The following TNRC6C variants were observed in gnomAD, a reference collection of about 807,000 sequenced individuals.
The protein encoded by TNRC6C is trinucleotide repeat containing adaptor 6C.
In TNRC6C, 20 loss-of-function variants were observed where a neutral mutation model predicts 153.7. The observed-to-expected ratio is 0.13, with a 90% CI of 0.09 to 0.19. TNRC6C has a LOEUF of 0.19. Ranked by LOEUF, TNRC6C falls within the 10% of genes least tolerant of loss-of-function variation. TNRC6C has a pLI of 1.00. For synonymous variants in TNRC6C, 811 were observed against 841.4 expected, an observed-to-expected ratio of 0.96 and a Z score of 0.63; for missense variants, 1,987 against 2,172.0, an observed-to-expected ratio of 0.91 and a Z score of 1.69.
At chr17:77,984,974 T>A (rs1274402569) in intron 1 of TNRC6C, among the ~76,000 whole-genome samples, 1 of 152,222 alleles carries the variant, frequency 6.6e-6, no homozygotes, top group Non-Finnish European at 1.5e-5. Context: ...CATCTTCATA[T>A]TAACTCTATC....
chr17:77,985,321 G>A (rs911669144), intron 1 of TNRC6C, among the ~76,000 whole-genome samples: 13 of 152,002 alleles, frequency 8.6e-5, no homozygotes, highest in South Asian at 2.1e-4. Flanking sequence ...GAGGCTGGGC[G>A]CAGTGGCTCA....
intron 2 of TNRC6C, 69 bp from the exon 5 acceptor site, chr17:78,048,776 T>G: frequency 8.2e-7 from 1 of 1,217,662 alleles, no homozygotes. Flanking sequence ...CCCCAAAGAC[T>G]AGTTAACAGT....
intron 5 of TNRC6C, among the ~76,000 whole-genome samples, chr17:78,070,751 C>T (rs2072978433): frequency 6.6e-6 from 1 of 152,116 alleles, no homozygotes; most frequent in South Asian, 2.1e-4. Context: ...TCACATAGGG[C>T]TGTGTTCAAG....
At chr17:77,997,812 G>C (rs895510390) in intron 1 of TNRC6C, among the ~76,000 whole-genome samples, 1 of 151,880 alleles carries the variant, frequency 6.6e-6, no homozygotes, top group African/African-American at 2.4e-5. Context: ...CTGCCACCGC[G>C]CCTGGCTAAT....
intron 13 of TNRC6C, among the ~76,000 whole-genome samples, chr17:78,090,466 C>T (rs913626120): frequency 3.3e-5 from 5 of 152,144 alleles, no homozygotes; most frequent in African/African-American, 1.2e-4. Context: ...GTAGTACTTA[C>T]GGTAAGGACC....
At chr17:78,101,419 G>A (rs776764284) in intron 17 of TNRC6C, among the ~76,000 whole-genome samples, 8 of 152,014 alleles carry the variant, frequency 5.3e-5, no homozygotes, top group Non-Finnish European at 8.8e-5. Flanking sequence ...ACATTCTCCC[G>A]TCTATTTCTG....
chr17:78,005,324 A>C (rs1005952287), intron 1 of TNRC6C, among the ~76,000 whole-genome samples: 1 of 152,168 alleles, frequency 6.6e-6, no homozygotes, highest in African/African-American at 2.4e-5. Flanking sequence ...CAATGCTTTT[A>C]AATTTTCTTT....
At chr17:78,087,844 C>T (rs1247826433) in intron 13 of TNRC6C, among the ~76,000 whole-genome samples, 3 of 152,136 alleles carry the variant, frequency 2.0e-5, no homozygotes, top group Non-Finnish European at 2.9e-5. Flanking sequence ...TGCCAGGCCT[C>T]GAGGTCAGGC....
chr17:78,067,979 A>G, intron 5 of TNRC6C, 56 bp downstream of exon 7: 2 of 1,535,702 alleles, frequency 1.3e-6, no homozygotes, highest in South Asian at 1.3e-5. Context: ...TACTTCAGAC[A>G]CATTCAGTAT....
At chr17:77,960,070 A>AG (rs2070849240) in intron 1 of TNRC6C, among the ~76,000 whole-genome samples, 1 of 152,084 alleles carries the variant, frequency 6.6e-6, no homozygotes, top group African/African-American at 2.4e-5. Flanking sequence ...GAGGTAGGGG[A>AG]GGAGGAGCCG....
chr17:78,016,331 G>C (rs982558530), intron 1 of TNRC6C, among the ~76,000 whole-genome samples: 2 of 152,220 alleles, frequency 1.3e-5, no homozygotes, highest in African/African-American at 2.4e-5. Context: ...GTACCTGCCA[G>C]GTCACATGCA....
At chr17:78,050,682 G>A (rs767417476) in exon 3 of TNRC6C, 17 of 1,561,464 alleles carry the variant, frequency 1.1e-5, no homozygotes, top group East Asian at 2.3e-5. Context: ...GGGGGGACTC[G>A]ATAAGCTCTA....
At chr17:77,987,587 A>C (rs1308860783) in intron 1 of TNRC6C, among the ~76,000 whole-genome samples, 1 of 152,218 alleles carries the variant, frequency 6.6e-6, no homozygotes, top group Non-Finnish European at 1.5e-5. Flanking sequence ...GAAACACCTA[A>C]ATAAGCAACC....
At chr17:77,980,418 G>A (rs1413322465) in intron 1 of TNRC6C, among the ~76,000 whole-genome samples, 2 of 152,172 alleles carry the variant, frequency 1.3e-5, no homozygotes, top group East Asian at 3.8e-4. Context: ...TTGACCAAAT[G>A]TGTGGATTTC....
At chr17:78,072,474 A>G (rs2073016211) in intron 6 of TNRC6C, among the ~76,000 whole-genome samples, 1 of 152,230 alleles carries the variant, frequency 6.6e-6, no homozygotes. Flanking sequence ...TCACTGGGAC[A>G]GGAATCCTGT....
upstream of TNRC6C, among the ~76,000 whole-genome samples, chr17:78,000,475 G>A (rs767495012): frequency 1.3e-5 from 2 of 151,964 alleles, no homozygotes; most frequent in African/African-American, 2.4e-5. Context: ...TACCAGTTCC[G>A]TCCCCTTCTC....
chr17:78,033,775 A>T (rs540195696), intron 2 of TNRC6C, among the ~76,000 whole-genome samples: 7 of 152,234 alleles, frequency 4.6e-5, no homozygotes, highest in Non-Finnish European at 1.0e-4. Context: ...CAAAAAATTG[A>T]TCAATCTATG....
At chr17:78,077,553 C>G (rs1732661803) in intron 9 of TNRC6C, 3 of 634,892 alleles carry the variant, frequency 4.7e-6, no homozygotes, top group African/African-American at 1.8e-5. Context: ...TTACACTTAA[C>G]TAAAACGTGT....
At chr17:78,069,832 G>C (rs769002390) in intron 5 of TNRC6C, among the ~76,000 whole-genome samples, 1 of 151,706 alleles carries the variant, frequency 6.6e-6, no homozygotes, top group Non-Finnish European at 1.5e-5. Flanking sequence ...GGAAGAAAAC[G>C]TGTGTGTGTG....
Sources: gnomAD v4.1 joint callset for allele counts (sites outside exome capture counted in the v4.1 genomes callset) on GRCh38, gnomAD v4.1.1 for gene constraint, MANE v1.5 for transcripts, NCBI Gene and HGNC (gene_info 2026-07-23, HGNC 2026-07-21) for gene names.